CUX2: variants seen among roughly 807,000 people sequenced by gnomAD.
The protein encoded by CUX2 is homeobox protein cut-like 2.
In CUX2, 40 loss-of-function variants were observed where a neutral mutation model predicts 144.8. That is an observed-to-expected ratio of 0.28 (90% CI 0.21 to 0.36). CUX2 has a LOEUF of 0.36. Ranked by LOEUF, CUX2 falls within the 10% of genes least tolerant of loss-of-function variation. CUX2 has a pLI of 1.00. For synonymous variants in CUX2, 827 were observed against 875.6 expected (o/e 0.94, Z 0.98); for missense variants, 1,615 against 1,994.0 (o/e 0.81, Z 3.62).
At chr12:111,321,276 G>T (rs977388190) in intron 17 of CUX2, among the ~76,000 whole-genome samples, 1 of 152,136 alleles carries the variant, frequency 6.6e-6, no homozygotes, top group Non-Finnish European at 1.5e-5. Flanking sequence ...AGACCATCCT[G>T]GCCAACATGG....
chr12:111,331,512 A>G (rs1221760086), intron 18 of CUX2, among the ~76,000 whole-genome samples: 3 of 152,094 alleles, frequency 2.0e-5, no homozygotes, highest in Middle Eastern at 3.4e-3. Flanking sequence ...CTGGTTTCTC[A>G]GGAGGCTCAG....
chr12:111,042,650 G>T (rs1869807236), intron 1 of CUX2, among the ~76,000 whole-genome samples: 1 of 152,000 alleles, frequency 6.6e-6, no homozygotes, highest in South Asian at 2.1e-4. Flanking sequence ...TTATTTTTTT[G>T]AGACGAGGTC....
chr12:111,108,431 C>T (rs1038617633), intron 1 of CUX2, among the ~76,000 whole-genome samples: 4 of 152,180 alleles, frequency 2.6e-5, no homozygotes, highest in African/African-American at 9.7e-5. Flanking sequence ...ATGCTTCTTG[C>T]TTGAAACAAT....
At chr12:111,086,228 T>C (rs1872207910) in intron 1 of CUX2, among the ~76,000 whole-genome samples, 1 of 152,220 alleles carries the variant, frequency 6.6e-6, no homozygotes, top group Non-Finnish European at 1.5e-5. Flanking sequence ...TATTATATCA[T>C]GGTAGTATCA....
At chr12:111,212,297 C>T (rs1322275986) in intron 1 of CUX2, among the ~76,000 whole-genome samples, 2 of 152,194 alleles carry the variant, frequency 1.3e-5, no homozygotes, top group Admixed American at 6.5e-5. Flanking sequence ...AAAAACCGGG[C>T]TTTTAAACTG....
At chr12:111,113,149 G>T (rs2136084738) in intron 1 of CUX2, among the ~76,000 whole-genome samples, 1 of 152,226 alleles carries the variant, frequency 6.6e-6, no homozygotes, top group South Asian at 2.1e-4. Flanking sequence ...AGGAGTGATG[G>T]AGGGGAGCCG....
rs374916583 is a variant in CUX2, at chr12:111,091,738, C to T, written c.63+57498C>T. ...AGGTGTCTGCAGGGCTGTGCTCCCT[C>T]TCCAGACTCCAGGGGAGGGTCCTTC... On this transcript the variant is annotated intron_variant, in intron 1 of 21. Transcript: ENST00000261726. 3.0e-3 allele frequency among the ~76,000 whole-genome samples: 456 copies of T among 152,344 alleles called. 4 individuals are homozygous for T. Among genetic ancestry groups the T allele is most frequent in the African/African-American group, 0.01 (430 of 41,574 alleles).
intron 1 of CUX2, among the ~76,000 whole-genome samples, chr12:111,115,540 C>T (rs1874245915): frequency 6.6e-6 from 1 of 151,992 alleles, no homozygotes; most frequent in East Asian, 1.9e-4. Context: ...CCACCTTGGC[C>T]TTCCAAAATG....
rs190662443 is a variant in CUX2 at position 111,327,507 on chromosome 12, G to A, written c.2926+4927G>A. 3.4e-3 allele frequency among the ~76,000 whole-genome samples: 516 copies of A among 152,268 alleles called. 11 individuals are homozygous for A. The highest frequency in any genetic ancestry group is 0.032 in the Admixed American group (486 of 15,284). On this transcript the variant is annotated intron_variant, in intron 18 of 21. Transcript: ENST00000261726. The stretch of plus-strand genomic sequence containing the variant: ...CATGGGTTATCTCCCATTTGTTGAC[G>A]CTAGCCATCCTGGTGGGTGTGTAAG...
chr12:111,055,704 C>T (rs559452327), intron 1 of CUX2, among the ~76,000 whole-genome samples: 5 of 152,290 alleles, frequency 3.3e-5, no homozygotes, highest in Admixed American at 6.5e-5. Context: ...TGCCCGACTG[C>T]CCCAGCGGTC....
chr12:111,073,834 G>A (rs1370440885), intron 1 of CUX2, among the ~76,000 whole-genome samples: 9 of 151,908 alleles, frequency 5.9e-5, no homozygotes, highest in Non-Finnish European at 1.0e-4. Context: ...GGTGGCAAGC[G>A]CCTGTAGTTC....
rs1392243525 is a variant in CUX2, at chr12:111,037,091, C to T, written c.63+2851C>T. Among the ~76,000 whole-genome samples the T allele has an allele frequency of 2.6e-5, 4 of 152,208 alleles. No individual in the cohort carries two copies. The highest frequency in any genetic ancestry group is 5.9e-5 in the Non-Finnish European group (4 of 68,038). On this transcript the variant is annotated intron_variant, in intron 1 of 21. Coordinates refer to ENST00000261726, the MANE Select transcript of CUX2 (RefSeq NM_015267.4). The surrounding 1 kb of genome is among the most constrained non-coding windows in gnomAD (Gnocchi z 5.4). ...AGATAGCCAGAAAGGAGAACTTCTG[C>T]CGGCTTTTTCTGAGATCCAGGTAGG...
chr12:111,296,378 TG>T, intron 7 of CUX2, 94 bp from the exon 8 acceptor site: 1 of 1,091,272 alleles, frequency 9.2e-7, no homozygotes, highest in Non-Finnish European at 1.3e-6. Context: ...TTCTGCCTGC[TG>T]GGCTTCGCAG....
chr12:111,078,391 G>A (rs1052440855), intron 1 of CUX2, among the ~76,000 whole-genome samples: 2 of 152,226 alleles, frequency 1.3e-5, no homozygotes, highest in African/African-American at 2.4e-5. Context: ...TGGGGGCCAG[G>A]TGCAGCAGCT....
chr12:111,266,635 G>A (rs2157999), intron 4 of CUX2, among the ~76,000 whole-genome samples: 12,342 of 152,176 alleles, frequency 0.081, 1,259 homozygotes, highest in African/African-American at 0.23. Flanking sequence ...CTTCCCTAGA[G>A]TCTTCAGAAG....
intron 19 of CUX2, among the ~76,000 whole-genome samples, chr12:111,336,126 T>C (rs1000642471): frequency 6.6e-6 from 1 of 152,134 alleles, no homozygotes; most frequent in African/African-American, 2.4e-5. Flanking sequence ...CCCCAGTCAC[T>C]GCGGAACTCC....
chr12:111,172,410 A>T (rs750616008), intron 1 of CUX2, among the ~76,000 whole-genome samples: 3 of 152,164 alleles, frequency 2.0e-5, no homozygotes, highest in African/African-American at 7.2e-5. Flanking sequence ...TGCCAGAGAG[A>T]TTTGGGCTGT....
intron 1 of CUX2, among the ~76,000 whole-genome samples, chr12:111,047,427 C>T (rs1002526005): frequency 6.6e-6 from 1 of 152,094 alleles, no homozygotes; most frequent in Non-Finnish European, 1.5e-5. Context: ...GCGTTTTTAC[C>T]TTATAAGCTC....
intron 1 of CUX2, among the ~76,000 whole-genome samples, chr12:111,135,665 C>A (rs944928486): frequency 2.6e-5 from 4 of 152,236 alleles, no homozygotes; most frequent in Admixed American, 2.0e-4. Context: ...AAGAATGCAT[C>A]TCTGACACAG....
Sources: allele counts gnomAD v4.1 joint callset (sites outside exome capture counted in the v4.1 genomes callset), GRCh38; gene constraint gnomAD v4.1.1; non-coding constraint Gnocchi (gnomAD v3.1); transcripts MANE v1.5; gene names NCBI Gene and HGNC (gene_info 2026-07-23, HGNC 2026-07-21).